Variants in NLGN1 observed in about 807,000 individuals in gnomAD.
NLGN1 encodes neuroligin 1, also known as neuroligin-1.
Under a neutral mutation model 65.5 loss-of-function variants are expected in NLGN1, and 12 were observed. That is an observed-to-expected ratio of 0.18 (90% CI 0.12 to 0.30). The LOEUF (loss-of-function observed/expected upper bound fraction) is 0.30. Among genes scored for constraint, NLGN1 ranks in the 10% least tolerant of loss-of-function variants. NLGN1 has a pLI of 1.00. For synonymous variants in NLGN1, 350 were observed against 359.5 expected, an observed-to-expected ratio of 0.97 and a Z score of 0.30; for missense variants, 750 against 1,007.1, an observed-to-expected ratio of 0.74 and a Z score of 3.46.
intron 4 of NLGN1, among the ~76,000 whole-genome samples, chr3:173,852,749 T>A (rs1226590282): frequency 1.3e-4 from 20 of 152,204 alleles, no homozygotes; most frequent in Admixed American, 1.3e-3. Context: ...TCTATACATT[T>A]TCTATATTCT....
chr3:174,030,945 C>T (rs1159156903), intron 4 of NLGN1, among the ~76,000 whole-genome samples: 3 of 152,106 alleles, frequency 2.0e-5, no homozygotes, highest in Admixed American at 2.0e-4. Context: ...TTCTTTATGC[C>T]ACACATCTTA....
intron 4 of NLGN1, among the ~76,000 whole-genome samples, chr3:173,912,305 C>T (rs1477996078): frequency 1.3e-5 from 2 of 152,098 alleles, no homozygotes; most frequent in African/African-American, 2.4e-5. Flanking sequence ...CTTGGGGAAA[C>T]CTCACTAAAG....
At chr3:174,083,414 G>T (rs1477902729) in intron 4 of NLGN1, among the ~76,000 whole-genome samples, 1 of 152,104 alleles carries the variant, frequency 6.6e-6, no homozygotes, top group Non-Finnish European at 1.5e-5. Flanking sequence ...ATAGTAGGTA[G>T]TAAATATGTA....
At chr3:173,435,283 A>G (rs1717912146) in intron 2 of NLGN1, among the ~76,000 whole-genome samples, 1 of 152,194 alleles carries the variant, frequency 6.6e-6, no homozygotes, top group Non-Finnish European at 1.5e-5. Context: ...AAGCTGGCAT[A>G]ATCCTTTAAC....
intron 4 of NLGN1, among the ~76,000 whole-genome samples, chr3:173,867,520 T>A (rs1038943765): frequency 6.6e-6 from 1 of 152,264 alleles, no homozygotes; most frequent in African/African-American, 2.4e-5. Flanking sequence ...ATATAAAGAA[T>A]CTGTTTTCCA....
chr3:174,136,982 T>C (rs1036257053), intron 4 of NLGN1, among the ~76,000 whole-genome samples: 3 of 152,142 alleles, frequency 2.0e-5, no homozygotes, highest in African/African-American at 7.2e-5. Context: ...GCCTAGCCTA[T>C]CTTAAGCATG....
At chr3:173,687,338 A>G (rs1718215071) in intron 3 of NLGN1, among the ~76,000 whole-genome samples, 1 of 152,252 alleles carries the variant, frequency 6.6e-6, no homozygotes, top group African/African-American at 2.4e-5. Context: ...TTAAAATGAT[A>G]TAGACCTTAT....
chr3:173,980,422 T>G (rs1004540541), intron 4 of NLGN1, among the ~76,000 whole-genome samples: 2 of 152,098 alleles, frequency 1.3e-5, no homozygotes, highest in African/African-American at 4.8e-5. Context: ...TCTATCATTT[T>G]TAATGACTGC....
At chr3:173,550,397 C>T (rs187912930) in intron 2 of NLGN1, among the ~76,000 whole-genome samples, 27 of 152,086 alleles carry the variant, frequency 1.8e-4, no homozygotes, top group Middle Eastern at 6.8e-3. Context: ...GTTATTATAT[C>T]CTCCACCAAT....
intron 4 of NLGN1, among the ~76,000 whole-genome samples, chr3:174,002,274 C>CCCA: frequency 6.6e-6 from 1 of 152,122 alleles, no homozygotes; most frequent in East Asian, 1.9e-4. Context: ...ATTACAGTTG[C>CCCA]CCACCACCAT....
intron 4 of NLGN1, among the ~76,000 whole-genome samples, chr3:174,046,786 C>A (rs538186493): frequency 2.6e-5 from 4 of 151,916 alleles, no homozygotes; most frequent in Non-Finnish European, 5.9e-5. Context: ...TATGAAGGGG[C>A]AGATTCTATT....
At chr3:173,440,536 A>G (rs1365196788) in intron 2 of NLGN1, among the ~76,000 whole-genome samples, 2 of 152,170 alleles carry the variant, frequency 1.3e-5, no homozygotes, top group African/African-American at 2.4e-5. Context: ...GTACAGAATG[A>G]ATGTTGTGTG....
intron 4 of NLGN1, among the ~76,000 whole-genome samples, chr3:174,120,853 A>G (rs929063320): frequency 5.3e-5 from 8 of 152,202 alleles, no homozygotes; most frequent in Non-Finnish European, 1.2e-4. Context: ...TTGGAACTCA[A>G]ACATAATTGA....
intron 4 of NLGN1, among the ~76,000 whole-genome samples, chr3:174,143,558 A>G (rs1722671111): frequency 6.6e-6 from 1 of 152,146 alleles, no homozygotes; most frequent in Admixed American, 6.5e-5. Context: ...AGCAAAAAAG[A>G]CTTCTATTAC....
chr3:173,521,357 G>A (rs1171465678), intron 2 of NLGN1, among the ~76,000 whole-genome samples: 1 of 152,202 alleles, frequency 6.6e-6, no homozygotes, highest in African/African-American at 2.4e-5. Context: ...ATCACATGGA[G>A]AAGTGTGTAA....
chr3:173,780,001 C>T (rs1402888517), intron 3 of NLGN1, among the ~76,000 whole-genome samples: 3 of 152,132 alleles, frequency 2.0e-5, no homozygotes, highest in African/African-American at 2.4e-5. Context: ...CATTTACCTA[C>T]AAGGTCTGTG....
chr3:173,571,193 A>G (rs1744593848), intron 2 of NLGN1, among the ~76,000 whole-genome samples: 1 of 152,234 alleles, frequency 6.6e-6, no homozygotes, highest in South Asian at 2.1e-4. Context: ...GTGTGGCCAT[A>G]GGGAGCCAAT....
chr3:173,590,163 C>G (rs1271333879), intron 2 of NLGN1, among the ~76,000 whole-genome samples: 1 of 152,090 alleles, frequency 6.6e-6, no homozygotes, highest in Non-Finnish European at 1.5e-5. Context: ...TAATAGTTAA[C>G]TATAGAGCTA....
At chr3:173,858,378 G>A (rs113801722) in intron 4 of NLGN1, among the ~76,000 whole-genome samples, 1,607 of 152,060 alleles carry the variant, frequency 0.011, 17 homozygotes, top group Non-Finnish European at 0.018. Context: ...TTCTCTTCTA[G>A]GATGTTTAAT....
Sources: allele counts gnomAD v4.1 joint callset (sites outside exome capture counted in the v4.1 genomes callset), GRCh38; gene constraint gnomAD v4.1.1; transcripts MANE v1.5; gene names NCBI Gene and HGNC (gene_info 2026-07-23, HGNC 2026-07-21).